The following CNTLN variants were observed in gnomAD, a reference collection of about 807,000 sequenced individuals.
CNTLN encodes the protein centlein, centrosomal protein.
CNTLN carries 212 observed loss-of-function variants against 180.0 expected under a neutral mutation model. The ratio of observed to expected loss-of-function variants is 1.18; its 90% CI spans 1.05 to 1.32. CNTLN has a LOEUF of 1.32. Ranked by LOEUF, CNTLN falls within the 40% of genes most tolerant of loss-of-function variation. CNTLN has a pLI of 0.00. For missense variants in CNTLN, 2,095 were observed against 1,610.9 expected, an observed-to-expected ratio of 1.30 and a Z score of -5.14; for synonymous variants, 722 against 563.1, an observed-to-expected ratio of 1.28 and a Z score of -3.99.
chr9:17,478,176 C>T (rs781199247), intron 23 of CNTLN, among the ~76,000 whole-genome samples: 1 of 152,170 alleles, frequency 6.6e-6, no homozygotes, highest in Non-Finnish European at 1.5e-5. Context: ...CTATTGAATG[C>T]TTATAAACAT....
At chr9:17,301,780 T>C in intron 7 of CNTLN, 1 of 976,720 alleles carries the variant, frequency 1.0e-6, no homozygotes, top group Non-Finnish European at 1.2e-6. Context: ...GGTGGCTGTA[T>C]GTAGTTATTT....
intron 5 of CNTLN, among the ~76,000 whole-genome samples, chr9:17,268,157 C>A (rs1052869426): frequency 6.6e-6 from 1 of 152,130 alleles, no homozygotes; most frequent in Non-Finnish European, 1.5e-5. Context: ...TTTTCCCCAT[C>A]TTTGTGGTTT....
rs375874460 is a variant in CNTLN at position 17,327,617 on chromosome 9, C to T, written c.1342-3015C>T. On this transcript the variant is annotated intron_variant, in intron 8 of 25. Coordinates refer to ENST00000380647, the MANE Select transcript of CNTLN (RefSeq NM_017738.4). ...CCTATACTGAAATTTTTACATTGAA[C>T]TCATAGTCATTTTATTTGCAAAAAA... 1.4e-4 allele frequency among the ~76,000 whole-genome samples: 21 copies of T among 151,492 alleles called. 1 individual carries two copies. The South Asian group carries it at 4.2e-3, about 30-fold the overall frequency.
At chr9:17,505,922 G>A (rs752155301), downstream of CNTLN, among the ~76,000 whole-genome samples, 23 of 152,058 alleles carry the variant, frequency 1.5e-4, no homozygotes, top group Admixed American at 2.6e-4. Flanking sequence ...GGCAGGTAGA[G>A]GGCTGGACAA....
chr9:17,235,532 T>G, intron 3 of CNTLN, 126 bp from the exon 4 acceptor site: 1 of 732,864 alleles, frequency 1.4e-6, no homozygotes, highest in Non-Finnish European at 2.2e-6. Context: ...AGAATTGTGG[T>G]GACAGACATT....
At chr9:17,284,184 C>A (rs1272009682) in intron 6 of CNTLN, among the ~76,000 whole-genome samples, 2 of 152,032 alleles carry the variant, frequency 1.3e-5, no homozygotes, top group Non-Finnish European at 2.9e-5. Flanking sequence ...GTATGCCTCG[C>A]TAATTTTTGA....
chr9:17,160,657 C>G (rs1468849393), intron 2 of CNTLN, among the ~76,000 whole-genome samples: 2 of 152,098 alleles, frequency 1.3e-5, no homozygotes, highest in Admixed American at 6.5e-5. Context: ...TGTTTTACAT[C>G]TTTACTTTGA....
At position 17,457,502 on chromosome 9, in the gene CNTLN, A is replaced by G. The variant is rs1047840143; in HGVS notation, c.3115-22A>G. On this transcript the variant is annotated intron_variant, in intron 18 of 25. Transcript: ENST00000380647. ...TTACTTTTAAAATATATTTATATTTATTTTCTTTTTTTAAAAAAAAGAAGC... is the reference window on the plus strand; with the variant it reads ...TTACTTTTAAAATATATTTATATTTGTTTTCTTTTTTTAAAAAAAAGAAGC... The G allele has an allele frequency of 5.4e-5, 65 of 1,210,090 alleles. 1 individual carries two copies. Among genetic ancestry groups the G allele is most frequent in the Non-Finnish European group, 6.4e-5 (60 of 932,166 alleles). The allele number at this position is 1,210,090 out of a possible 1,614,324, so 75.0% of individuals were successfully genotyped here. A position where few individuals can be genotyped will look rare whatever the true frequency, so the allele number is the denominator to read the frequency against.
intron 2 of CNTLN, among the ~76,000 whole-genome samples, chr9:17,213,862 C>G (rs113943327): frequency 0.026 from 3,961 of 152,166 alleles, 176 homozygotes; most frequent in African/African-American, 0.09. Context: ...TTTTATCAGA[C>G]ACCAGGATTG....
At chr9:17,320,749 C>A (rs752689288) in intron 8 of CNTLN, among the ~76,000 whole-genome samples, 4 of 151,834 alleles carry the variant, frequency 2.6e-5, no homozygotes, top group African/African-American at 9.7e-5. Context: ...GTGATCCACC[C>A]ACCTCAGCCT....
intron 18 of CNTLN, among the ~76,000 whole-genome samples, chr9:17,437,120 G>T (rs1829824420): frequency 6.6e-6 from 1 of 152,130 alleles, no homozygotes; most frequent in South Asian, 2.1e-4. Context: ...GATCATGTTC[G>T]CAAGGCAAAC....
chr9:17,445,321 C>T (rs1237312380), intron 18 of CNTLN, among the ~76,000 whole-genome samples: 2 of 151,882 alleles, frequency 1.3e-5, no homozygotes, highest in Non-Finnish European at 2.9e-5. Flanking sequence ...GACTTAGATA[C>T]GGTACAACCA....
chr9:17,513,644 C>T, the CNTLN span, among the ~76,000 whole-genome samples: 1 of 151,990 alleles, frequency 6.6e-6, no homozygotes, highest in Non-Finnish European at 1.5e-5. Flanking sequence ...CTGCAGTGAG[C>T]TGTGATTGTG....
At chr9:17,200,661 G>A (rs1460913477) in intron 2 of CNTLN, among the ~76,000 whole-genome samples, 3 of 152,112 alleles carry the variant, frequency 2.0e-5, no homozygotes, top group Non-Finnish European at 4.4e-5. Context: ...ATATAGGAAT[G>A]CTTGTGATTT....
At chr9:17,358,487 A>G (rs1172647599) in intron 12 of CNTLN, among the ~76,000 whole-genome samples, 1 of 152,158 alleles carries the variant, frequency 6.6e-6, no homozygotes, top group African/African-American at 2.4e-5. Context: ...ATAGTTACAC[A>G]TAACTGCACA....
chr9:17,421,933 A>G (rs191987588), intron 18 of CNTLN, among the ~76,000 whole-genome samples: 2 of 152,278 alleles, frequency 1.3e-5, no homozygotes. Context: ...TTTACACATC[A>G]CAATTACACT....
rs766864864 is a variant in CNTLN, at chr9:17,462,982, AAAG to A, written c.3379_3381del (p.Glu1127del). The A allele has an allele frequency of 3.6e-5, 57 of 1,585,656 alleles. No homozygotes were observed. Among genetic ancestry groups the A allele is most frequent in the Middle Eastern group, 3.3e-4 (2 of 5,994 alleles). Reference sequence around the variant, plus strand: ...GACTTTGAAATTTGAACTCCTAGCAAAAGAAGAACACATAAAGGAAATGCATGA... The same window carrying A: ...GACTTTGAAATTTGAACTCCTAGCAAAAGAACACATAAAGGAAATGCATGA... On this transcript the variant is annotated inframe_deletion, in exon 20 of 26. Coordinates refer to ENST00000380647, the MANE Select transcript of CNTLN (RefSeq NM_017738.4).
At chr9:17,454,320 A>G (rs1260120000) in intron 18 of CNTLN, among the ~76,000 whole-genome samples, 1 of 152,238 alleles carries the variant, frequency 6.6e-6, no homozygotes, top group Non-Finnish European at 1.5e-5. Flanking sequence ...ACATAAATCA[A>G]TACAAATCTC....
chr9:17,231,438 T>A (rs886485827), intron 3 of CNTLN, among the ~76,000 whole-genome samples: 1 of 152,088 alleles, frequency 6.6e-6, no homozygotes, highest in Non-Finnish European at 1.5e-5. Flanking sequence ...TGGGTAAGAC[T>A]ATGTTTTAGC....
Sources: gnomAD v4.1 joint callset for allele counts (sites outside exome capture counted in the v4.1 genomes callset) on GRCh38, gnomAD v4.1.1 for gene constraint, MANE v1.5 for transcripts, NCBI Gene and HGNC (gene_info 2026-07-23, HGNC 2026-07-21) for gene names.